The following ITPRIPL1 variants were observed in gnomAD, a reference collection of about 807,000 sequenced individuals.
ITPRIPL1 encodes the protein inositol 1,4,5-trisphosphate receptor-interacting protein-like 1.
In ITPRIPL1, 28 loss-of-function variants were observed where a neutral mutation model predicts 40.0. That is an observed-to-expected ratio of 0.70 (90% CI 0.52 to 0.96). The LOEUF (loss-of-function observed/expected upper bound fraction) is 0.96, where lower values mean the gene tolerates loss of function less well. ITPRIPL1 is among the 40% of genes least tolerant of loss of function. The pLI is 0.00. For synonymous variants in ITPRIPL1, 251 were observed against 275.7 expected, an observed-to-expected ratio of 0.91 and a Z score of 0.89; for missense variants, 638 against 698.0, an observed-to-expected ratio of 0.91 and a Z score of 0.97.
At position 96,327,475 on chromosome 2, in the gene ITPRIPL1, G is replaced by A. The variant is rs753726797; in HGVS notation, c.844G>A (p.Val282Met). The A allele has an allele frequency of 1.8e-5, 29 of 1,613,952 alleles. No homozygotes were observed. Among genetic ancestry groups the A allele is most frequent in the Admixed American group, 3.3e-5 (2 of 59,980 alleles). Residue 282 changes from valine to methionine, a missense_variant, in exon 3 of 3, where the codon GTG becomes ATG. By Grantham distance (21) the Val-to-Met change is conservative. Transcript: ENST00000439118. Reference sequence around the variant, plus strand: ...CAAGCGTGAGAAACTCCTAGGGGACGTGCTGTGCCTGGTGCACCACCACAG... The same window carrying A: ...CAAGCGTGAGAAACTCCTAGGGGACATGCTGTGCCTGGTGCACCACCACAG... ...VCKREKLLGDVLCLVHHHRDP... is the reference protein window; with the variant it reads ...VCKREKLLGDMLCLVHHHRDP...
downstream of ITPRIPL1, chr2:96,329,149 TTATATATATA>T (rs57173953): frequency 0.054 from 4,596 of 85,142 alleles, 167 homozygotes; most frequent in Non-Finnish European, 0.062. Context: ...AAAAAAAAAA[TTATATATATA>T]TATATATATA....
chr2:96,327,847 C>G lies in ITPRIPL1; in HGVS notation c.1216C>G (p.Leu406Val), dbSNP rs774628223. Residue 406 changes from leucine (L) to valine (V), a missense_variant, in exon 3 of 3, where the codon CTG becomes GTG. By Grantham distance (32) the Leu-to-Val change is conservative. Transcript: ENST00000439118. ...CTTTGTGGCCTGTGAGCACCTGTTCCTGAAGCTGGTGGGGCGCTTTGCCCC... is the reference window on the plus strand; with the variant it reads ...CTTTGTGGCCTGTGAGCACCTGTTCGTGAAGCTGGTGGGGCGCTTTGCCCC... ...ESFVACEHLF[L>V]KLVGRFAPEN... The G allele has an allele frequency of 6.2e-7, 1 of 1,614,180 alleles. No homozygotes were observed. The highest frequency in any genetic ancestry group is 8.5e-7 in the Non-Finnish European group (1 of 1,180,036).
chr2:96,326,500 C>A, intron 2 of ITPRIPL1, 142 bp from the exon 3 acceptor site: 1 of 1,553,838 alleles, frequency 6.4e-7, no homozygotes, highest in East Asian at 2.2e-5. Context: ...CTTGCTGTGT[C>A]CAAGCCAAGC....
chr2:96,328,530 A>C, downstream of ITPRIPL1: 1 of 471,166 alleles, frequency 2.1e-6, no homozygotes, highest in Non-Finnish European at 3.8e-6. Context: ...AACTTTCATC[A>C]TGACCCAAAG....
Position 96,327,355 on chromosome 2 carries a change from G to C in ITPRIPL1, c.724G>C (p.Val242Leu). ...GAAATTTGATATCCTGGTGCCCATT[G>C]TCCCCCCACAGGGCACCATGTTTGT... Reference protein sequence around the residue: ...TQKFDILVPIVPPQGTMFVLE... With the variant: ...TQKFDILVPILPPQGTMFVLE... The change falls in exon 3 of 3, where the codon GTC (valine) becomes CTC (leucine). Residue 242 changes from valine to leucine, a missense_variant. Coordinates refer to ENST00000439118, the MANE Select transcript of ITPRIPL1 (RefSeq NM_001008949.3). The C allele has an allele frequency of 6.2e-7, 1 of 1,614,134 alleles. No individual in the cohort carries two copies. Among genetic ancestry groups the C allele is most frequent in the Middle Eastern group, 1.6e-4 (1 of 6,062 alleles).
rs370490541 is a variant in ITPRIPL1, at chr2:96,327,609, G to A, written c.978G>A (p.Met326Ile). Reference protein sequence around the residue: ...CKTVQWFRNMMGNAWALVAHK... With the variant: ...CKTVQWFRNMIGNAWALVAHK... ...CTGTGCAGTGGTTCCGGAACATGAT[G>A]GGCAATGCCTGGGCCCTTGTGGCCC... is the stretch of plus-strand genomic sequence containing the variant. The change falls in exon 3 of 3, where the codon ATG (methionine) becomes ATA (isoleucine). Residue 326 changes from methionine to isoleucine, a missense_variant. Physicochemically the swap from Met to Ile is conservative, Grantham distance 10 (BLOSUM62 1). Coordinates refer to ENST00000439118, the MANE Select transcript of ITPRIPL1 (RefSeq NM_001008949.3). 1 of 1,609,172 alleles carries A rather than the reference G, an allele frequency of 6.2e-7. No homozygotes were observed. Among genetic ancestry groups the A allele is most frequent in the Non-Finnish European group, 8.5e-7 (1 of 1,177,864 alleles).
chr2:96,328,726 TG>T, downstream of ITPRIPL1: 1 of 159,402 alleles, frequency 6.3e-6, no homozygotes, highest in Non-Finnish European at 1.4e-5. Context: ...GTTTCCTTGT[TG>T]AACTGTTAGC....
chr2:96,325,943 C>A, intron 2 of ITPRIPL1, 94 bp downstream of exon 2: 3 of 1,422,970 alleles, frequency 2.1e-6, no homozygotes, highest in South Asian at 2.3e-5. Flanking sequence ...TGCCGGCTGT[C>A]AGGTAGGCCT....
chr2:96,328,920 G>C (rs2064140947), downstream of ITPRIPL1: 1 of 152,006 alleles, frequency 6.6e-6, no homozygotes, highest in Non-Finnish European at 1.5e-5. Flanking sequence ...TGTATCGCCT[G>C]AGTTCAGGAG....
Position 96,328,136 on chromosome 2 carries a change from T to C in ITPRIPL1, c.1505T>C (p.Leu502Pro). Residue 502 changes from leucine to proline, a missense_variant, in exon 3 of 3, where the codon CTG (leucine) becomes CCG (proline). Transcript: ENST00000439118. ...CTCATTGGTAACAATTTTCTGCCCC[T>C]GACCATCCCAATCCCTAAGACATTT... The part of the protein sequence containing the change: ...HFLIGNNFLP[L>P]TIPIPKTFRN... The C allele has an allele frequency of 6.2e-7, 1 of 1,614,104 alleles. No homozygotes were observed. The highest frequency in any genetic ancestry group is 8.5e-7 in the Non-Finnish European group (1 of 1,180,018).
At chr2:96,326,390 T>C in intron 2 of ITPRIPL1, 1 of 1,528,610 alleles carries the variant, frequency 6.5e-7, no homozygotes, top group Non-Finnish European at 8.8e-7. Context: ...TCTGGAAGCC[T>C]AAATACCACC....
At chr2:96,329,310 TAAGTC>T (rs1205691541), downstream of ITPRIPL1, 1 of 151,404 alleles carries the variant, frequency 6.6e-6, no homozygotes, top group Non-Finnish European at 1.5e-5. Flanking sequence ...TCACAAATAT[TAAGTC>T]AATAGTAACC....
chr2:96,326,065 C>G (rs997709106), intron 2 of ITPRIPL1: 4 of 1,141,348 alleles, frequency 3.5e-6, no homozygotes, highest in Non-Finnish European at 5.0e-6. Flanking sequence ...TAGCAAGCAG[C>G]TGGCGGCACT....
rs1402387108 is a variant in ITPRIPL1 at position 96,327,455 on chromosome 2, G to GT, written c.825dup (p.Glu276Ter). On this transcript the variant is annotated frameshift_variant, in exon 3 of 3. Coordinates refer to ENST00000439118, the MANE Select transcript of ITPRIPL1 (RefSeq NM_001008949.3). LOFTEE classifies it high-confidence loss of function. ...GTGGAGTCAGAATGTGTGTGCAAGCGTGAGAAACTCCTAGGGGACGTGCTG... is the reference window on the plus strand; with the variant it reads ...GTGGAGTCAGAATGTGTGTGCAAGCGTTGAGAAACTCCTAGGGGACGTGCTG... The GT allele has an allele frequency of 6.2e-7, 1 of 1,614,018 alleles. No individual in the cohort carries two copies. The highest frequency in any genetic ancestry group is 1.1e-5 in the South Asian group (1 of 91,046).
At chr2:96,325,710 G>C (rs2064099616) in intron 1 of ITPRIPL1, 37 bp from the exon 2 acceptor site, 1 of 921,232 alleles carries the variant, frequency 1.1e-6, no homozygotes, top group African/African-American at 1.6e-5. Context: ...GTTCCGATTT[G>C]AGCCAAAGCC....
rs1363613255 is a variant in ITPRIPL1 at position 96,325,533 on chromosome 2, C to G, written c.-126C>G. 1 of 493,004 alleles carries G rather than the reference C, an allele frequency of 2.0e-6. No homozygotes were observed. Among genetic ancestry groups the G allele is most frequent in the Non-Finnish European group, 3.7e-6 (1 of 272,592 alleles). 30.5% of individuals were successfully genotyped at this position (493,004 alleles called of 1,614,324 possible). On this transcript the variant is annotated 5_prime_UTR_variant, in exon 1 of 3. Coordinates refer to ENST00000439118, the MANE Select transcript of ITPRIPL1 (RefSeq NM_001008949.3). ...AGCAGTGGCGGTCAGGCCGCGCTGT[C>G]TCTTTAAGATCGTGTTCCTACTAAC...
At chr2:96,329,170 T>A (rs1008608799), downstream of ITPRIPL1, 1 of 130,736 alleles carries the variant, frequency 7.6e-6, no homozygotes, top group Non-Finnish European at 1.7e-5. Flanking sequence ...TATATATATA[T>A]ATATATATAT....
intron 2 of ITPRIPL1, chr2:96,326,154 A>G: frequency 6.7e-7 from 1 of 1,484,946 alleles, no homozygotes; most frequent in Non-Finnish European, 9.0e-7. Context: ...AGCAGAATGA[A>G]GACTGTGAAG....
In ITPRIPL1 at chr2:96,327,829, G is replaced by A; in HGVS notation, c.1198G>A (p.Ala400Thr). 1.2e-6 allele frequency: 2 copies of A among 1,614,068 alleles called. No individual in the cohort carries two copies. The highest frequency in any genetic ancestry group is 1.7e-6 in the Non-Finnish European group (2 of 1,180,008). Residue 400 changes from alanine (A) to threonine (T), a missense_variant, in exon 3 of 3, where the codon GCC becomes ACC. Physicochemically the swap from Ala to Thr is moderately conservative, Grantham distance 58. Coordinates refer to ENST00000439118, the MANE Select transcript of ITPRIPL1 (RefSeq NM_001008949.3). ...TGTGGACTGGCCTGAGTCCTTTGTG[G>A]CCTGTGAGCACCTGTTCCTGAAGCT... The part of the protein sequence containing the change: ...TSVDWPESFV[A>T]CEHLFLKLVG...
Sources: allele counts gnomAD v4.1 joint callset, GRCh38; gene constraint gnomAD v4.1.1; transcripts MANE v1.5; gene names NCBI Gene and HGNC (gene_info 2026-07-23, HGNC 2026-07-21).